Variants in OSGIN1 observed in about 807,000 individuals in gnomAD.
OSGIN1 encodes the protein oxidative stress-induced growth inhibitor 1.
OSGIN1 carries 19 observed loss-of-function variants against 20.1 expected under a neutral mutation model. That is an observed-to-expected ratio of 0.95 (90% CI 0.66 to 1.39). The LOEUF (loss-of-function observed/expected upper bound fraction) is 1.39. Ranked by LOEUF, OSGIN1 falls within the 40% of genes most tolerant of loss-of-function variation. The probability of loss-of-function intolerance (pLI) is 0.00; values close to 1 mark genes in which losing one functional copy is unlikely to be tolerated. For synonymous variants in OSGIN1, 368 were observed against 297.8 expected (o/e 1.24, Z -2.43); for missense variants, 820 against 653.0 (o/e 1.26, Z -2.79).
chr16:83,960,834 G>A, intron 4 of OSGIN1, 74 bp downstream of exon 4: 1 of 1,528,950 alleles, frequency 6.5e-7, no homozygotes, highest in Admixed American at 1.8e-5. Flanking sequence ...CTGGGACTCT[G>A]GCATCTCCCT....
chr16:83,959,821 A>G (rs960855812), intron 3 of OSGIN1, among the ~76,000 whole-genome samples: 1 of 150,696 alleles, frequency 6.6e-6, no homozygotes, highest in Non-Finnish European at 1.5e-5. Context: ...CCCCACTGAC[A>G]TTTGGATGAC....
At chr16:83,961,940 T>C (rs920942410) in intron 5 of OSGIN1, among the ~76,000 whole-genome samples, 1 of 151,648 alleles carries the variant, frequency 6.6e-6, no homozygotes, top group African/African-American at 2.4e-5. Flanking sequence ...GGTCAGCTAA[T>C]AGGGTGACTT....
chr16:83,957,860 T>TTTAC (rs1909017008), intron 2 of OSGIN1, 122 bp downstream of exon 2: 1 of 188,050 alleles, frequency 5.3e-6, no homozygotes, highest in African/African-American at 6.2e-5. Context: ...GGGTTTATTT[T>TTTAC]TTATTTATTT....
rs150759225 is a variant in OSGIN1 at position 83,957,308 on chromosome 16, G to A, written c.-32-332G>A. Among the ~76,000 whole-genome samples, 170 of 152,210 alleles carry A rather than the reference G, an allele frequency of 1.1e-3. 3 individuals carry two copies. The highest frequency in any genetic ancestry group is 3.8e-3 in the African/African-American group (157 of 41,528). ...CTGGGTTGGGCAGGAATGGCCTCTC[G>A]GGAAGACAGATAATGAGTTTCGGGG... is the stretch of plus-strand genomic sequence containing the variant. On this transcript the variant is annotated intron_variant, in intron 1 of 5. Transcript: ENST00000393306.
chr16:83,963,823 G>C (rs1287859199), intron 5 of OSGIN1, among the ~76,000 whole-genome samples: 1 of 149,206 alleles, frequency 6.7e-6, no homozygotes, highest in African/African-American at 2.4e-5. Context: ...GATACAGGAA[G>C]GTGCTAGAAT....
At chr16:83,961,244 C>G in intron 5 of OSGIN1, 172 bp downstream of exon 5, 1 of 601,806 alleles carries the variant, frequency 1.7e-6, no homozygotes, top group Non-Finnish European at 3.0e-6. Flanking sequence ...TCCGGCACAG[C>G]TTGGTTTTAT....
rs1908774624 is a variant in OSGIN1 at position 83,953,284 on chromosome 16, C to T, written c.-119C>T. 2 of 1,288,346 alleles carry T rather than the reference C, an allele frequency of 1.6e-6. No individual in the cohort carries two copies. The highest frequency in any genetic ancestry group is 2.0e-6 in the Non-Finnish European group (2 of 988,226). The allele number at this position is 1,288,346 out of a possible 1,614,324, so 79.8% of individuals were successfully genotyped here. A position where few individuals can be genotyped will look rare whatever the true frequency, so the allele number is the denominator to read the frequency against. On this transcript the variant is annotated 5_prime_UTR_variant, in exon 1 of 6. Coordinates refer to ENST00000393306, the MANE Select transcript of OSGIN1 (RefSeq NM_182981.3). ...CAGGGTAATGGGTGTCCCGATCTCG[C>T]GGGGGACTCTGTGATCCGTGTTCCC...
Position 83,965,385 on chromosome 16 carries a change from C to T in OSGIN1, c.812C>T (p.Ala271Val). The change falls in exon 6 of 6, where the codon GCC (alanine) becomes GTC (valine). Residue 271 changes from alanine to valine, a missense_variant. Ala to Val is a moderately conservative substitution (Grantham distance 64). Coordinates refer to ENST00000393306, the MANE Select transcript of OSGIN1 (RefSeq NM_182981.3). ...ALPFIHHELSALEAATRVGAV... is the reference protein window; with the variant it reads ...ALPFIHHELSVLEAATRVGAV... ...CCCTTCATCCACCATGAGCTGTCTG[C>T]CCTGGAGGCCGCCACAAGGGTGGGT... The T allele has an allele frequency of 6.4e-7, 1 of 1,574,330 alleles. No homozygotes were observed. Among genetic ancestry groups the T allele is most frequent in the Non-Finnish European group, 8.6e-7 (1 of 1,163,250 alleles).
At chr16:83,955,108 G>A (rs1346578372) in intron 1 of OSGIN1, among the ~76,000 whole-genome samples, 6 of 152,286 alleles carry the variant, frequency 3.9e-5, no homozygotes, top group South Asian at 4.1e-4. Flanking sequence ...GAGGTGATGC[G>A]GGGAAGCCCT....
At chr16:83,963,688 C>T (rs1377057219) in intron 5 of OSGIN1, among the ~76,000 whole-genome samples, 1 of 152,090 alleles carries the variant, frequency 6.6e-6, no homozygotes, top group African/African-American at 2.4e-5. Flanking sequence ...CCTTGGGGGT[C>T]CATTGTCAGC....
At chr16:83,961,379 G>A in intron 5 of OSGIN1, 1 of 384,640 alleles carries the variant, frequency 2.6e-6, no homozygotes, top group Non-Finnish European at 4.9e-6. Flanking sequence ...TCGCAGGTAG[G>A]TGAGAGATAA....
In OSGIN1 at chr16:83,960,973, C is replaced by T. The variant is rs771844510; in HGVS notation, c.397-8C>T. On this transcript the variant is annotated splice_polypyrimidine_tract_variant and splice_region_variant and intron_variant, in intron 4 of 5. Coordinates refer to ENST00000393306, the MANE Select transcript of OSGIN1 (RefSeq NM_182981.3). The stretch of plus-strand genomic sequence containing the variant: ...GAGGCCTGGACCAAAGGGTTCCTTT[C>T]CCTGCAGTCCATCGAAGGCTCCATG... 1.2e-6 allele frequency: 2 copies of T among 1,612,644 alleles called. No individual in the cohort carries two copies. Among genetic ancestry groups the T allele is most frequent in the Admixed American group, 1.7e-5 (1 of 60,022 alleles).
intron 4 of OSGIN1, 85 bp from the exon 5 acceptor site, chr16:83,960,896 C>A: frequency 2.0e-6 from 3 of 1,512,246 alleles, no homozygotes. Context: ...CTCTACCCAG[C>A]CCCAGCAAAG....
chr16:83,956,451 G>C (rs545229997), intron 1 of OSGIN1, among the ~76,000 whole-genome samples: 1 of 152,112 alleles, frequency 6.6e-6, no homozygotes, highest in Non-Finnish European at 1.5e-5. Flanking sequence ...TGGCCACTCT[G>C]GGTGGTCCAA....
intron 3 of OSGIN1, 131 bp downstream of exon 3, chr16:83,959,527 C>T: frequency 1.1e-6 from 1 of 883,032 alleles, no homozygotes; most frequent in Non-Finnish European, 1.7e-6. Flanking sequence ...CGAGAGTCCA[C>T]AAAGTCAGCC....
intron 1 of OSGIN1, among the ~76,000 whole-genome samples, chr16:83,956,544 C>T (rs888280496): frequency 5.3e-5 from 8 of 152,134 alleles, no homozygotes; most frequent in African/African-American, 1.9e-4. Flanking sequence ...GGTGGTGGCA[C>T]TGGCAGGGTC....
chr16:83,965,287 G>A lies in OSGIN1; in HGVS notation c.714G>A (p.Trp238Ter), dbSNP rs558194656. The A allele has an allele frequency of 1.2e-6, 2 of 1,602,674 alleles. No homozygotes were observed. Among genetic ancestry groups the A allele is most frequent in the South Asian group, 2.2e-5 (2 of 90,310 alleles). ...AGGCCCAGCAGCCCTTCTCGCTGTG[G>A]GCCCGCAACGTGGTCCTCGCCACAG... ...RNQAQQPFSL[W>*]ARNVVLATGT... The change falls in exon 6 of 6, where the codon TGG becomes TGA. Residue 238 changes from tryptophan to a stop codon, truncating the protein, a stop_gained. Coordinates refer to ENST00000393306, the MANE Select transcript of OSGIN1 (RefSeq NM_182981.3). LOFTEE classifies it low-confidence loss of function (END_TRUNC).
chr16:83,961,948 C>T (rs540659431), intron 5 of OSGIN1, among the ~76,000 whole-genome samples: 57 of 150,228 alleles, frequency 3.8e-4, no homozygotes, highest in African/African-American at 1.4e-3. Flanking sequence ...AATAGGGTGA[C>T]TTTCTTTTTT....
chr16:83,954,754 G>C (rs770587228), intron 1 of OSGIN1: 69 of 984,946 alleles, frequency 7.0e-5, no homozygotes, highest in Admixed American at 1.8e-4. Flanking sequence ...CAAAGCCCTG[G>C]TGGTAAACCA....
Sources: gnomAD v4.1 joint callset for allele counts (sites outside exome capture counted in the v4.1 genomes callset) on GRCh38, gnomAD v4.1.1 for gene constraint, MANE v1.5 for transcripts, NCBI Gene and HGNC (gene_info 2026-07-23, HGNC 2026-07-21) for gene names.